Variants in ME3 observed in about 807,000 individuals in gnomAD.
ME3 encodes the protein NADP-dependent malic enzyme, mitochondrial.
Under a neutral mutation model 68.9 loss-of-function variants are expected in ME3, and 48 were observed. The observed-to-expected ratio is 0.70, with a 90% CI of 0.55 to 0.89. The LOEUF (loss-of-function observed/expected upper bound fraction) is 0.89. Ranked by LOEUF, ME3 falls within the 40% of genes least tolerant of loss-of-function variation. The probability of loss-of-function intolerance (pLI) is 0.00; values close to 1 mark genes in which losing one functional copy is unlikely to be tolerated. For synonymous variants in ME3, 320 were observed against 318.8 expected, an observed-to-expected ratio of 1.00 and a Z score of -0.04; for missense variants, 675 against 797.4, an observed-to-expected ratio of 0.85 and a Z score of 1.85.
intron 4 of ME3, among the ~76,000 whole-genome samples, chr11:86,529,719 C>A (rs1339199889): frequency 6.6e-6 from 1 of 152,150 alleles, no homozygotes; most frequent in Non-Finnish European, 1.5e-5. Flanking sequence ...AAATCAATAA[C>A]TGTAATCTAG....
At chr11:86,480,324 A>G (rs1259873645) in intron 7 of ME3, among the ~76,000 whole-genome samples, 2 of 152,308 alleles carry the variant, frequency 1.3e-5, no homozygotes, top group East Asian at 1.9e-4. Flanking sequence ...TACTGTTTCT[A>G]TCTCTTTGCT....
intron 2 of ME3, among the ~76,000 whole-genome samples, chr11:86,671,124 C>T (rs73514393): frequency 4.3e-4 from 65 of 152,340 alleles, no homozygotes; most frequent in African/African-American, 1.4e-3. Context: ...AGAGCCAGAA[C>T]TAACTAGCTG....
chr11:86,604,298 C>G (rs1961271493), intron 2 of ME3, among the ~76,000 whole-genome samples: 1 of 151,912 alleles, frequency 6.6e-6, no homozygotes, highest in Non-Finnish European at 1.5e-5. Flanking sequence ...GTCCAGCCCC[C>G]ATTTCCTGTC....
rs1949500318 is a variant in ME3, at chr11:86,449,318, C to T, written c.1131+571G>A. ...TTTCTCTCTCATTCATGCTTTCATT[C>T]ATGCCTCACACATTAATTATGCACT... On this transcript the variant is annotated intron_variant, in intron 10 of 14. Coordinates refer to ENST00000543262, the Ensembl canonical transcript of ME3. 3.3e-5 allele frequency among the ~76,000 whole-genome samples: 5 copies of T among 152,214 alleles called. No individual in the cohort carries two copies. In the South Asian group the frequency reaches 1.0e-3, roughly 31 times the overall value.
intron 2 of ME3, among the ~76,000 whole-genome samples, chr11:86,569,731 A>G (rs1004403189): frequency 1.3e-5 from 2 of 152,192 alleles, no homozygotes; most frequent in African/African-American, 4.8e-5. Context: ...TGACTCCGGC[A>G]GGAAGGTATG....
intron 2 of ME3, among the ~76,000 whole-genome samples, chr11:86,572,915 G>T (rs1957884966): frequency 6.6e-6 from 1 of 152,100 alleles, no homozygotes; most frequent in African/African-American, 2.4e-5. Context: ...AAGTGTTCCT[G>T]TTTCTCCACA....
intron 2 of ME3, among the ~76,000 whole-genome samples, chr11:86,607,072 T>C (rs1961769784): frequency 6.6e-6 from 1 of 152,204 alleles, no homozygotes. Context: ...GTCACTGTTG[T>C]TGATCTGGAT....
rs1945697815 is a variant in ME3, at chr11:86,654,311, C to G, written c.183+17451G>C. On this transcript the variant is annotated intron_variant, in intron 2 of 14. Coordinates refer to ENST00000543262, the Ensembl canonical transcript of ME3. ...ACAACCAAAAAAGAGAATTTTAGAC[C>G]AATATCTTTGATGAACATCGATGCA... Among the ~76,000 whole-genome samples the G allele has an allele frequency of 2.6e-5, 4 of 152,278 alleles. No homozygotes were observed. The South Asian group carries it at 8.3e-4, about 32-fold the overall frequency.
chr11:86,568,582 G>A (rs1957613076), intron 2 of ME3, among the ~76,000 whole-genome samples: 1 of 152,222 alleles, frequency 6.6e-6, no homozygotes, highest in Admixed American at 6.5e-5. Context: ...TGGCATCAGA[G>A]GGAGGATATT....
At chr11:86,503,272 C>T (rs1382537575) in intron 5 of ME3, among the ~76,000 whole-genome samples, 8 of 152,170 alleles carry the variant, frequency 5.3e-5, no homozygotes, top group East Asian at 1.9e-4. Flanking sequence ...GAGGTGGATA[C>T]GATGATGTGC....
intron 4 of ME3, among the ~76,000 whole-genome samples, chr11:86,535,366 G>A (rs1955582266): frequency 6.6e-6 from 1 of 152,138 alleles, no homozygotes; most frequent in South Asian, 2.1e-4. Context: ...GGTTCATCCT[G>A]CAGCAGCAGG....
chr11:86,614,832 G>T (rs1942842406), intron 2 of ME3, among the ~76,000 whole-genome samples: 1 of 152,028 alleles, frequency 6.6e-6, no homozygotes. Flanking sequence ...CTCTGATACT[G>T]GTATTATTTT....
intron 2 of ME3, among the ~76,000 whole-genome samples, chr11:86,591,656 G>T (rs977533157): frequency 3.9e-5 from 6 of 152,260 alleles, no homozygotes; most frequent in Non-Finnish European, 8.8e-5. Context: ...AGGTTTAATG[G>T]ACTTACAGTT....
At chr11:86,492,237 TC>T (rs1952050800) in intron 6 of ME3, among the ~76,000 whole-genome samples, 3 of 152,352 alleles carry the variant, frequency 2.0e-5, no homozygotes, top group African/African-American at 7.2e-5. Context: ...CATCCGCATC[TC>T]CCCAGCTAAT....
At chr11:86,531,043 C>T (rs973200365) in intron 4 of ME3, among the ~76,000 whole-genome samples, 1 of 152,076 alleles carries the variant, frequency 6.6e-6, no homozygotes, top group Non-Finnish European at 1.5e-5. Flanking sequence ...AAAGAAACTA[C>T]CATCAGAGTG....
intron 2 of ME3, among the ~76,000 whole-genome samples, chr11:86,590,308 G>C (rs890005554): frequency 5.3e-5 from 8 of 152,198 alleles, no homozygotes; most frequent in Admixed American, 6.5e-5. Context: ...GAGAAAGAGA[G>C]AGTGCCTTTG....
At chr11:86,634,624 G>T (rs540194344) in intron 2 of ME3, among the ~76,000 whole-genome samples, 3 of 152,318 alleles carry the variant, frequency 2.0e-5, no homozygotes, top group African/African-American at 7.2e-5. Flanking sequence ...TGTCTACTAT[G>T]CATGAAGGCT....
chr11:86,650,450 T>A (rs865820514), intron 2 of ME3, among the ~76,000 whole-genome samples: 9 of 152,066 alleles, frequency 5.9e-5, no homozygotes, highest in African/African-American at 1.7e-4. Context: ...AAGCCAAAAT[T>A]GACAAATGGG....
At chr11:86,645,499 G>A (rs1347052200) in intron 2 of ME3, among the ~76,000 whole-genome samples, 8 of 152,184 alleles carry the variant, frequency 5.3e-5, no homozygotes, top group Non-Finnish European at 1.5e-5. Context: ...AGACTCTCTA[G>A]ATTTCTCCCC....
Sources: allele counts gnomAD v4.1 joint callset (sites outside exome capture counted in the v4.1 genomes callset), GRCh38; gene constraint gnomAD v4.1.1; transcripts MANE v1.5; gene names NCBI Gene and HGNC (gene_info 2026-07-23, HGNC 2026-07-21).